GLIS3: variants seen among roughly 807,000 people sequenced by gnomAD.
GLIS3 encodes zinc finger protein GLIS3.
In GLIS3, 53 loss-of-function variants were observed where a neutral mutation model predicts 78.6. That is an observed-to-expected ratio of 0.67 (90% confidence interval 0.54 to 0.85). GLIS3 has a LOEUF of 0.85. Ranked by LOEUF, GLIS3 falls within the 40% of genes least tolerant of loss-of-function variation. The probability of loss-of-function intolerance (pLI) is 0.00; values close to 1 mark genes in which losing one functional copy is unlikely to be tolerated. For synonymous variants in GLIS3, 684 were observed against 509.9 expected, an observed-to-expected ratio of 1.34 and a Z score of -4.60; for missense variants, 1,703 against 1,231.1, an observed-to-expected ratio of 1.38 and a Z score of -5.74.
At chr9:4,355,236 C>T in the GLIS3 span, among the ~76,000 whole-genome samples, 1 of 152,052 alleles carries the variant, frequency 6.6e-6, no homozygotes, top group Non-Finnish European at 1.5e-5. Context: ...ATCTGGGTCC[C>T]AAAGCAAACT....
intron 4 of GLIS3, among the ~76,000 whole-genome samples, chr9:4,098,454 A>G (rs1210791845): frequency 6.6e-6 from 1 of 152,180 alleles, no homozygotes; most frequent in African/African-American, 2.4e-5. Context: ...AACATAACAA[A>G]TGGCTTCATC....
chr9:4,040,579 C>T (rs1054468795), intron 4 of GLIS3, among the ~76,000 whole-genome samples: 11 of 152,062 alleles, frequency 7.2e-5, no homozygotes, highest in African/African-American at 2.7e-4. Context: ...AATATTCAAT[C>T]AATAAGGATA....
At chr9:4,004,948 A>G (rs1445402417) in intron 4 of GLIS3, among the ~76,000 whole-genome samples, 1 of 152,230 alleles carries the variant, frequency 6.6e-6, no homozygotes, top group Non-Finnish European at 1.5e-5. Flanking sequence ...TAACCTTCCC[A>G]ATGAAGCATA....
intron 2 of GLIS3, among the ~76,000 whole-genome samples, chr9:4,339,997 C>G (rs1276279115): frequency 6.6e-6 from 1 of 151,440 alleles, no homozygotes; most frequent in Non-Finnish European, 1.5e-5. Context: ...GACCAAGACA[C>G]AAAGACTAGG....
At chr9:4,330,150 G>A (rs1245013327) in intron 2 of GLIS3, among the ~76,000 whole-genome samples, 1 of 151,860 alleles carries the variant, frequency 6.6e-6, no homozygotes, top group Non-Finnish European at 1.5e-5. Context: ...CAGAAATAAT[G>A]GTTTTGAAAG....
intron 2 of GLIS3, among the ~76,000 whole-genome samples, chr9:4,329,199 G>A (rs1310712079): frequency 2.0e-5 from 3 of 152,040 alleles, no homozygotes; most frequent in Non-Finnish European, 2.9e-5. Context: ...GCTCTCTGAA[G>A]CCCATTCCCA....
At chr9:4,066,784 T>C (rs1025992807) in intron 4 of GLIS3, among the ~76,000 whole-genome samples, 1 of 152,236 alleles carries the variant, frequency 6.6e-6, no homozygotes, top group African/African-American at 2.4e-5. Flanking sequence ...ATTCTCATCC[T>C]TGTTCTAGCG....
At chr9:4,318,344 C>T (rs537551625) in intron 2 of GLIS3, among the ~76,000 whole-genome samples, 1 of 152,174 alleles carries the variant, frequency 6.6e-6, no homozygotes, top group Non-Finnish European at 1.5e-5. Context: ...GTCGTGAGCA[C>T]ACCTAGGGCC....
intron 4 of GLIS3, among the ~76,000 whole-genome samples, chr9:4,087,058 C>T (rs1829092982): frequency 6.6e-6 from 1 of 151,792 alleles, no homozygotes; most frequent in African/African-American, 2.4e-5. Context: ...TTGGACTGGC[C>T]CTGAAAACAT....
At chr9:4,173,794 A>G (rs1422445036) in intron 2 of GLIS3, among the ~76,000 whole-genome samples, 1 of 152,020 alleles carries the variant, frequency 6.6e-6, no homozygotes, top group Non-Finnish European at 1.5e-5. Flanking sequence ...ATGTTATTGA[A>G]AAGTTCTGTA....
chr9:3,858,858 T>TA lies in GLIS3; in HGVS notation c.2298-2675dup, dbSNP rs200420722. Among the ~76,000 whole-genome samples, 641 of 152,330 alleles carry TA rather than the reference T, an allele frequency of 4.2e-3. 3 individuals are homozygous for TA. The highest frequency in any genetic ancestry group is 0.011 in the African/African-American group (441 of 41,572). On this transcript the variant is annotated intron_variant, in intron 8 of 10. Transcript: ENST00000381971. Reference sequence around the variant, plus strand: ...CCAGCATAAGAAGTAAGTGTATATATAGGATTGATTTTCAAGTACGGCAGA... The same window carrying TA: ...CCAGCATAAGAAGTAAGTGTATATATAAGGATTGATTTTCAAGTACGGCAGA...
the GLIS3 span, among the ~76,000 whole-genome samples, chr9:4,380,724 A>C: frequency 6.6e-6 from 1 of 152,224 alleles, no homozygotes; most frequent in Non-Finnish European, 1.5e-5. Flanking sequence ...AAATATGAAC[A>C]TATTGTTAAA....
At chr9:4,335,287 G>A (rs145624353) in intron 2 of GLIS3, among the ~76,000 whole-genome samples, 1 of 152,106 alleles carries the variant, frequency 6.6e-6, no homozygotes, top group Non-Finnish European at 1.5e-5. Context: ...CTCCAGTGAC[G>A]ATCAAAGTCT....
chr9:3,968,221 C>T (rs1029049075), intron 4 of GLIS3, among the ~76,000 whole-genome samples: 1 of 152,124 alleles, frequency 6.6e-6, no homozygotes, highest in Non-Finnish European at 1.5e-5. Flanking sequence ...GCAGAATGAT[C>T]GTCAGCAGGA....
At chr9:3,888,588 G>A (rs936836797) in intron 7 of GLIS3, among the ~76,000 whole-genome samples, 5 of 152,188 alleles carry the variant, frequency 3.3e-5, no homozygotes. Context: ...ACGCTATAGC[G>A]AGGAGCTCAC....
chr9:4,368,639 C>G, the GLIS3 span, among the ~76,000 whole-genome samples: 1 of 152,260 alleles, frequency 6.6e-6, no homozygotes, highest in Non-Finnish European at 1.5e-5. Context: ...GCGTGAGCCA[C>G]TGCGCCCGGC....
intron 2 of GLIS3, among the ~76,000 whole-genome samples, chr9:4,166,394 C>G (rs1157732481): frequency 6.6e-6 from 1 of 152,162 alleles, no homozygotes; most frequent in Admixed American, 6.5e-5. Context: ...AACCACAGAA[C>G]AAGGCAGATG....
intron 6 of GLIS3, among the ~76,000 whole-genome samples, chr9:3,928,769 C>G (rs1354231490): frequency 6.6e-6 from 1 of 152,182 alleles, no homozygotes; most frequent in East Asian, 1.9e-4. Flanking sequence ...AAGTGAAAGC[C>G]ATCAGCCACA....
At chr9:4,029,599 C>A (rs1823647535) in intron 4 of GLIS3, among the ~76,000 whole-genome samples, 1 of 151,770 alleles carries the variant, frequency 6.6e-6, no homozygotes, top group South Asian at 2.1e-4. Context: ...CCCTCCCAAG[C>A]CCCCCACCAC....
Sources: gnomAD v4.1 joint callset for allele counts (sites outside exome capture counted in the v4.1 genomes callset) on GRCh38, gnomAD v4.1.1 for gene constraint, MANE v1.5 for transcripts, NCBI Gene and HGNC (gene_info 2026-07-23, HGNC 2026-07-21) for gene names.